The following MPND variants were observed in gnomAD, a reference collection of about 807,000 sequenced individuals.
The protein encoded by MPND is MPN domain-containing protein.
Under a neutral mutation model 59.2 loss-of-function variants are expected in MPND, and 56 were observed. That is an observed-to-expected ratio of 0.95 (90% CI 0.76 to 1.18). MPND has a LOEUF of 1.18. Ranked by LOEUF, MPND falls within the 50% of genes most tolerant of loss-of-function variation. The pLI is 0.00. For missense variants in MPND, 671 were observed against 676.0 expected, an observed-to-expected ratio of 0.99 and a Z score of 0.08; for synonymous variants, 323 against 291.9, an observed-to-expected ratio of 1.11 and a Z score of -1.09.
intron 6 of MPND, 74 bp from the exon 7 acceptor site, chr19:4,354,875 G>T: frequency 1.4e-6 from 2 of 1,425,494 alleles, no homozygotes; most frequent in East Asian, 4.7e-5. Context: ...AAGAGAATGA[G>T]GGCACAGGCT....
In MPND at chr19:4,353,512, C is replaced by T. The variant is rs570515123; in HGVS notation, c.664+483C>T. Among the ~76,000 whole-genome samples the T allele has an allele frequency of 6.5e-4, 99 of 152,264 alleles. 1 individual carries two copies. Among genetic ancestry groups the T allele is most frequent in the African/African-American group, 2.3e-3 (94 of 41,554 alleles). On this transcript the variant is annotated intron_variant, in intron 4 of 12. Coordinates refer to ENST00000599840, the MANE Select transcript of MPND (RefSeq NM_001300862.2). The stretch of plus-strand genomic sequence containing the variant: ...TGAACTCCTGACCTCAGGTGATCCA[C>T]CTGCCTCGGCCTCCCAAAGTGTTGG...
chr19:4,350,275 G>A (rs139410726), intron 3 of MPND, among the ~76,000 whole-genome samples: 1,796 of 152,236 alleles, frequency 0.012, 16 homozygotes, highest in Middle Eastern at 0.024. Flanking sequence ...AGAAGGAGGT[G>A]GGGAGGATGG....
chr19:4,349,433 C>T (rs540899242), intron 3 of MPND, among the ~76,000 whole-genome samples: 6 of 152,004 alleles, frequency 3.9e-5, no homozygotes, highest in East Asian at 1.9e-4. Context: ...CGGGAGAAGG[C>T]GAGTGGGAGG....
Position 4,345,958 on chromosome 19 carries a change from A to T in MPND, c.508A>T (p.Thr170Ser), listed in dbSNP as rs1427402028. Residue 170 changes from threonine (T) to serine (S), a missense_variant, in exon 3 of 13, where the codon ACG becomes TCG. Physicochemically the swap from Thr to Ser is moderately conservative, Grantham distance 58. Coordinates refer to ENST00000599840, the MANE Select transcript of MPND (RefSeq NM_001300862.2). Reference sequence around the variant, plus strand: ...CTGGCTCCGGCTGCACCAGCTGCACACGCCTGCCACGGCTGCTGATGAGGT... The same window carrying T: ...CTGGCTCCGGCTGCACCAGCTGCACTCGCCTGCCACGGCTGCTGATGAGGT... ...ATWLRLHQLHTPATAADESPA... is the reference protein window; with the variant it reads ...ATWLRLHQLHSPATAADESPA... The T allele has an allele frequency of 3.7e-6, 6 of 1,612,048 alleles. No homozygotes were observed. The highest frequency in any genetic ancestry group is 5.1e-6 in the Non-Finnish European group (6 of 1,179,616).
In MPND at chr19:4,354,390, G is replaced by A; in HGVS notation, c.816G>A (p.Val272=). ...AAINKFQPFN[V]AVSSNVLFLL... The stretch of plus-strand genomic sequence containing the variant: ...TCAACAAGTTCCAGCCGTTCAACGT[G>A]GCTGTTTCTAGCAACGTGCTGTTCC... Residue 272 remains valine, a synonymous_variant, in exon 6 of 13, where the codon GTG becomes GTA. Coordinates refer to ENST00000599840, the MANE Select transcript of MPND (RefSeq NM_001300862.2). 6.4e-7 allele frequency: 1 copy of A among 1,560,718 alleles called. No individual in the cohort carries two copies. The highest frequency in any genetic ancestry group is 8.7e-7 in the Non-Finnish European group (1 of 1,151,038).
chr19:4,345,255 C>CA (rs1317117956), intron 2 of MPND, among the ~76,000 whole-genome samples: 1 of 151,674 alleles, frequency 6.6e-6, no homozygotes, highest in Non-Finnish European at 1.5e-5. Context: ...CCATGTTGGC[C>CA]AGGCTGGTCT....
chr19:4,347,765 C>G, intron 3 of MPND: 1 of 638,042 alleles, frequency 1.6e-6, no homozygotes, highest in Non-Finnish European at 2.6e-6. Context: ...ACCTGCCCGA[C>G]GCAGTGGCAA....
chr19:4,344,028 T>C (rs1207232771), intron 2 of MPND, 34 bp downstream of exon 2: 3 of 1,278,364 alleles, frequency 2.3e-6, no homozygotes, highest in Admixed American at 8.2e-5. Flanking sequence ...CCATCGCGGC[T>C]CGGGCAGGAA....
chr19:4,353,736 AT>A lies in MPND; in HGVS notation c.665-301del. ...ACCACCACACCCGGCTAATTTTTGT[AT>A]TTTTTTTCAGAGACGAGATCTCATC... On this transcript the variant is annotated intron_variant, in intron 4 of 12. Transcript: ENST00000599840. 77 of 285,434 alleles carry A rather than the reference AT, an allele frequency of 2.7e-4. 1 individual carries two copies. Among genetic ancestry groups the A allele is most frequent in the South Asian group, 1.0e-3 (22 of 20,986 alleles). 17.7% of individuals were successfully genotyped at this position (285,434 alleles called of 1,614,324 possible).
intron 8 of MPND, among the ~76,000 whole-genome samples, chr19:4,355,810 G>A (rs530419241): frequency 3.3e-5 from 5 of 150,246 alleles, no homozygotes; most frequent in Non-Finnish European, 3.0e-5. Flanking sequence ...TGCCCACCTC[G>A]GTCTCCCAAA....
In MPND at chr19:4,359,272, C is replaced by T. The variant is rs200057588; in HGVS notation, c.1419+17C>T. On this transcript the variant is annotated intron_variant, in intron 12 of 12. Coordinates refer to ENST00000599840, the MANE Select transcript of MPND (RefSeq NM_001300862.2). ...AAGCTTAAGGTGAGCCCCAAGTCCCCGCAGACCTCCTAACGGGGCCCCAGG... is the reference window on the plus strand; with the variant it reads ...AAGCTTAAGGTGAGCCCCAAGTCCCTGCAGACCTCCTAACGGGGCCCCAGG... 3.7e-4 allele frequency: 587 copies of T among 1,605,248 alleles called. 5 individuals carry two copies. The South Asian group carries it at 5.3e-3, about 15-fold the overall frequency.
chr19:4,355,071 G>GGGGTCACA (rs1972405682), intron 7 of MPND, 26 bp from the exon 8 acceptor site: 1 of 1,613,490 alleles, frequency 6.2e-7, no homozygotes, highest in Middle Eastern at 1.7e-4. Flanking sequence ...CCGGGGTCAC[G>GGGGTCACA]GGGTCACAGC....
chr19:4,358,972 CCCT>C (rs1972510707), intron 11 of MPND, among the ~76,000 whole-genome samples, 188 bp from the exon 12 acceptor site: 1 of 152,134 alleles, frequency 6.6e-6, no homozygotes, highest in African/African-American at 2.4e-5. Context: ...TGCTGCCTCC[CCCT>C]CGAGAGAGCC....
In MPND at chr19:4,352,921, G is replaced by A; in HGVS notation, c.556G>A (p.Glu186Lys). 1 of 1,400,564 alleles carries A rather than the reference G, an allele frequency of 7.1e-7. No homozygotes were observed. The highest frequency in any genetic ancestry group is 9.4e-7 in the Non-Finnish European group (1 of 1,068,180). 86.8% of individuals were successfully genotyped at this position (1,400,564 alleles called of 1,614,324 possible). Residue 186 changes from glutamate to lysine, a missense_variant, in exon 4 of 13, where the codon GAG becomes AAG. Coordinates refer to ENST00000599840, the MANE Select transcript of MPND (RefSeq NM_001300862.2). ...DESPASEGEE[E>K]ELLMEEEEED... is the part of the protein sequence containing the mutation. ...GAGCCCAGCCAGTGAAGGGGAGGAG[G>A]AGGAGTTGCTGATGGAAGAGGAGGA...
Position 4,359,978 on chromosome 19 carries a change from C to G in MPND, c.1482C>G (p.Cys494Trp). The change falls in exon 13 of 13, where the codon TGC (cysteine) becomes TGG (tryptophan). Residue 494 changes from cysteine to tryptophan, a missense_variant. By Grantham distance (215) the Cys-to-Trp change is radical. Transcript: ENST00000599840. ...QSLCHVLEQV[C>W]GVLKQGS ...TGTGTCACGTCCTGGAACAGGTGTG[C>G]GGCGTCCTCAAGCAGGGGAGCTGAG... 1 of 1,568,566 alleles carries G rather than the reference C, an allele frequency of 6.4e-7. No homozygotes were observed. The highest frequency in any genetic ancestry group is 2.4e-5 in the East Asian group (1 of 41,898).
rs2144810263 is a variant in MPND, at chr19:4,343,920, G to A, written c.220G>A (p.Ala74Thr). Reference protein sequence around the residue: ...GGPGGALTRRAVTLRVLLKDA... With the variant: ...GGPGGALTRRTVTLRVLLKDA... ...GCCCGGGGGCGCGCTCACCAGGCGC[G>A]CGGTCACACTGCGGGTGCTCCTCAA... The change falls in exon 2 of 13, where the codon GCG (alanine) becomes ACG (threonine). Residue 74 changes from alanine to threonine, a missense_variant. Ala to Thr is a moderately conservative substitution (Grantham distance 58). Coordinates refer to ENST00000599840, the MANE Select transcript of MPND (RefSeq NM_001300862.2). 3.1e-6 allele frequency: 4 copies of A among 1,303,144 alleles called. No individual in the cohort carries two copies. The highest frequency in any genetic ancestry group is 2.4e-5 in the South Asian group (1 of 41,328). The allele number at this position is 1,303,144 out of a possible 1,614,324, so 80.7% of individuals were successfully genotyped here. A position where few individuals can be genotyped will look rare whatever the true frequency, so the allele number is the denominator to read the frequency against.
intron 3 of MPND, among the ~76,000 whole-genome samples, chr19:4,346,466 G>A (rs1256831581): frequency 6.6e-6 from 1 of 151,904 alleles, no homozygotes; most frequent in Non-Finnish European, 1.5e-5. Context: ...GGCCCAGGCT[G>A]GAGTGCAGTG....
chr19:4,350,772 A>C (rs903892317), intron 3 of MPND, among the ~76,000 whole-genome samples: 13 of 151,904 alleles, frequency 8.6e-5, no homozygotes, highest in African/African-American at 3.1e-4. Flanking sequence ...CTGAGTCTGG[A>C]GCCGGGCGAG....
Position 4,357,261 on chromosome 19 carries a change from G to GC in MPND, c.1005_1006insC (p.Ser336GlnfsTer82). The GC allele has an allele frequency of 6.2e-7, 1 of 1,603,454 alleles. No individual in the cohort carries two copies. Among genetic ancestry groups the GC allele is most frequent in the South Asian group, 1.1e-5 (1 of 89,802 alleles). On this transcript the variant is annotated frameshift_variant, in exon 9 of 13. Transcript: ENST00000599840. LOFTEE classifies it high-confidence loss of function. Reference sequence around the variant, plus strand: ...TGCGCCTCTGTCCCCAGATCTACCAGAGCCTGTTCCTGCGGGGCCTGTCCC... The same window carrying GC: ...TGCGCCTCTGTCCCCAGATCTACCAGCAGCCTGTTCCTGCGGGGCCTGTCCC...
Sources: allele counts gnomAD v4.1 joint callset (sites outside exome capture counted in the v4.1 genomes callset), GRCh38; gene constraint gnomAD v4.1.1; transcripts MANE v1.5; gene names NCBI Gene and HGNC (gene_info 2026-07-23, HGNC 2026-07-21).